Variants in TBC1D23 observed in about 807,000 individuals in gnomAD.
TBC1D23 encodes the protein HCV non-structural protein 4A-transactivated protein 1.
TBC1D23 carries 55 observed loss-of-function variants against 91.4 expected under a neutral mutation model. The observed-to-expected ratio is 0.60, with a 90% CI of 0.48 to 0.75. The LOEUF (loss-of-function observed/expected upper bound fraction) is 0.75, where lower values mean the gene tolerates loss of function less well. TBC1D23 is among the 30% of genes least tolerant of loss of function. The pLI is 0.00. For missense variants in TBC1D23, 725 were observed against 836.1 expected (o/e 0.87, Z 1.64); for synonymous variants, 289 against 281.0 (o/e 1.03, Z -0.28).
chr3:100,315,803 A>G (rs1576186820), intron 15 of TBC1D23: 1 of 355,372 alleles, frequency 2.8e-6, no homozygotes, highest in East Asian at 5.1e-5. Context: ...CCGCAAGGCC[A>G]AACAGATCTA....
At chr3:100,314,738 A>ACTGTACTCTAGCCTGGGTGACG (rs1214712727) in intron 15 of TBC1D23, among the ~76,000 whole-genome samples, 1 of 152,216 alleles carries the variant, frequency 6.6e-6, no homozygotes, top group Non-Finnish European at 1.5e-5. Context: ...AGATTGCGCC[A>ACTGTACTCTAGCCTGGGTGACG]CTGTACTCTA....
At position 100,268,648 on chromosome 3, in the gene TBC1D23, C is replaced by T. The variant is rs1395223166; in HGVS notation, c.53+7577C>T. Among the ~76,000 whole-genome samples, 5 of 152,114 alleles carry T rather than the reference C, an allele frequency of 3.3e-5. No individual in the cohort carries two copies. The East Asian group carries it at 5.8e-4, about 18-fold the overall frequency. On this transcript the variant is annotated intron_variant, in intron 1 of 18. Coordinates refer to ENST00000394144, the MANE Select transcript of TBC1D23 (RefSeq NM_001199198.3). ...AATATCTCTCTCTCTTTGCTGTTTT[C>T]GTGCCATTCTCTATCTTAGGCAAAA...
At chr3:100,281,249 TA>T (rs1049460934) in intron 2 of TBC1D23, among the ~76,000 whole-genome samples, 1 of 152,236 alleles carries the variant, frequency 6.6e-6, no homozygotes, top group African/African-American at 2.4e-5. Flanking sequence ...GTGATTTGTT[TA>T]AATTTGAATT....
chr3:100,280,184 G>A (rs890482672), intron 2 of TBC1D23, among the ~76,000 whole-genome samples: 9 of 151,768 alleles, frequency 5.9e-5, no homozygotes, highest in African/African-American at 1.7e-4. Flanking sequence ...AGCCGAGATA[G>A]CGCCACTGCA....
rs572971238 is a variant in TBC1D23 at position 100,276,723 on chromosome 3, T to G, written c.54-2926T>G. Reference sequence around the variant, plus strand: ...CACAACATCAGGTGAGGGGAAATTCTGTTATGTTTTATTTAGGTTTGGAAA... The same window carrying G: ...CACAACATCAGGTGAGGGGAAATTCGGTTATGTTTTATTTAGGTTTGGAAA... On this transcript the variant is annotated intron_variant, in intron 1 of 18. Coordinates refer to ENST00000394144, the MANE Select transcript of TBC1D23 (RefSeq NM_001199198.3). 8.0e-4 allele frequency among the ~76,000 whole-genome samples: 122 copies of G among 152,334 alleles called. 1 individual carries two copies. The highest frequency in any genetic ancestry group is 1.1e-3 in the Non-Finnish European group (76 of 68,032).
At chr3:100,263,985 G>A (rs983211095) in intron 1 of TBC1D23, among the ~76,000 whole-genome samples, 3 of 152,176 alleles carry the variant, frequency 2.0e-5, no homozygotes, top group African/African-American at 7.2e-5. Context: ...AACATGGTCG[G>A]TGATTTCTGT....
At chr3:100,315,755 C>A (rs1705732110) in intron 15 of TBC1D23, 1 of 259,304 alleles carries the variant, frequency 3.9e-6, no homozygotes, top group African/African-American at 2.2e-5. Context: ...CACTATTTTA[C>A]AGAGGAGGAA....
At chr3:100,299,360 T>A in intron 10 of TBC1D23, 29 bp downstream of exon 10, 1 of 1,418,206 alleles carries the variant, frequency 7.1e-7, no homozygotes, top group Non-Finnish European at 9.8e-7. Context: ...TAATTATTCT[T>A]AAAGTAACTT....
Position 100,297,991 on chromosome 3 carries a change from T to A in TBC1D23, c.945T>A (p.Ala315=). ...ATGATGATGCAGATCTGAGTCAGGC[T>A]CTTTGTCTGGCCATCTCCGTGTCAG... ...IKDDDADLSQ[A]LCLAISVSEI... is the part of the protein sequence containing the mutation. Residue 315 remains alanine (A), a synonymous_variant, in exon 9 of 19, where the codon GCT becomes GCA. Coordinates refer to ENST00000394144, the MANE Select transcript of TBC1D23 (RefSeq NM_001199198.3). 1 of 1,613,502 alleles carries A rather than the reference T, an allele frequency of 6.2e-7. No individual in the cohort carries two copies. The highest frequency in any genetic ancestry group is 8.5e-7 in the Non-Finnish European group (1 of 1,179,542).
intron 1 of TBC1D23, among the ~76,000 whole-genome samples, chr3:100,271,546 GTC>G (rs2067599621): frequency 6.6e-6 from 1 of 152,124 alleles, no homozygotes. Context: ...AGATACGTAA[GTC>G]TCCTGTGGAT....
intron 17 of TBC1D23, among the ~76,000 whole-genome samples, chr3:100,319,706 G>A (rs1011928288): frequency 6.6e-6 from 1 of 152,130 alleles, no homozygotes; most frequent in African/African-American, 2.4e-5. Flanking sequence ...GGGATTACAG[G>A]TGTGAGCCAC....
At chr3:100,288,181 G>A (rs1274426293) in intron 4 of TBC1D23, among the ~76,000 whole-genome samples, 1 of 151,456 alleles carries the variant, frequency 6.6e-6, no homozygotes, top group African/African-American at 2.4e-5. Flanking sequence ...GGGAGGTCGA[G>A]GCTGAAGTGA....
intron 3 of TBC1D23, among the ~76,000 whole-genome samples, chr3:100,283,034 T>C (rs183160978): frequency 6.6e-6 from 1 of 152,362 alleles, no homozygotes; most frequent in Non-Finnish European, 1.5e-5. Flanking sequence ...GAAACTGTTA[T>C]TCTTAATTTT....
chr3:100,299,399 T>A, intron 10 of TBC1D23, 68 bp downstream of exon 10: 1 of 937,120 alleles, frequency 1.1e-6, no homozygotes, highest in Non-Finnish European at 1.6e-6. Context: ...AATAAATATA[T>A]AGGTCCCAGA....
intron 14 of TBC1D23, among the ~76,000 whole-genome samples, chr3:100,311,073 G>A (rs1028188398): frequency 6.6e-6 from 1 of 152,106 alleles, no homozygotes; most frequent in Admixed American, 6.5e-5. Context: ...AAAAATATCT[G>A]TTATATATAT....
intron 11 of TBC1D23, among the ~76,000 whole-genome samples, chr3:100,303,666 G>T (rs1285422759): frequency 6.6e-6 from 1 of 152,170 alleles, no homozygotes; most frequent in East Asian, 1.9e-4. Flanking sequence ...AGCTACTTGG[G>T]AGGCTGAGGC....
intron 8 of TBC1D23, among the ~76,000 whole-genome samples, 156 bp downstream of exon 8, chr3:100,296,431 C>A (rs2148862141): frequency 6.6e-6 from 1 of 151,686 alleles, no homozygotes; most frequent in South Asian, 2.1e-4. Flanking sequence ...TCTGTAAATA[C>A]CCTCCCTAGT....
intron 15 of TBC1D23, among the ~76,000 whole-genome samples, chr3:100,314,624 G>A (rs905230419): frequency 1.4e-4 from 22 of 152,152 alleles, no homozygotes; most frequent in Admixed American, 1.4e-3. Context: ...AATTAGGCAG[G>A]CGTAGTGGCA....
At chr3:100,293,413 G>A (rs2067810386) in intron 5 of TBC1D23, among the ~76,000 whole-genome samples, 2 of 152,298 alleles carry the variant, frequency 1.3e-5, no homozygotes, top group South Asian at 4.1e-4. Flanking sequence ...GATTACAGGC[G>A]TGAGCCACTG....
Sources: gnomAD v4.1 joint callset for allele counts (sites outside exome capture counted in the v4.1 genomes callset) on GRCh38, gnomAD v4.1.1 for gene constraint, MANE v1.5 for transcripts, NCBI Gene and HGNC (gene_info 2026-07-23, HGNC 2026-07-21) for gene names.